Variants in OSBPL9 observed in about 807,000 individuals in gnomAD.
OSBPL9 encodes the protein oxysterol binding protein like 9, also known as oxysterol-binding protein-related protein 9.
In OSBPL9, 40 loss-of-function variants were observed where a neutral mutation model predicts 106.6. That is an observed-to-expected ratio of 0.38 (90% CI 0.29 to 0.49). The LOEUF is 0.49. OSBPL9 is among the 20% of genes least tolerant of loss of function. The pLI is 0.97. For missense variants in OSBPL9, 609 were observed against 887.2 expected (o/e 0.69, Z 3.98); for synonymous variants, 269 against 295.4 (o/e 0.91, Z 0.92).
chr1:51,567,641 G>A, the OSBPL9 span: 1 of 152,196 alleles, frequency 6.6e-6, no homozygotes, highest in African/African-American at 2.4e-5. Flanking sequence ...TTTTTAACCT[G>A]TAAAATGGAG....
At chr1:51,691,762 A>G (rs1655014947) in intron 3 of OSBPL9, among the ~76,000 whole-genome samples, 2 of 151,622 alleles carry the variant, frequency 1.3e-5, no homozygotes, top group South Asian at 2.1e-4. Flanking sequence ...TATGTTTTAA[A>G]GTTTGTTTTT....
At chr1:51,739,796 T>C (rs895525804) in intron 4 of OSBPL9, among the ~76,000 whole-genome samples, 2 of 151,980 alleles carry the variant, frequency 1.3e-5, no homozygotes, top group Admixed American at 6.6e-5. Context: ...TGTTTCCAAA[T>C]TTTCAGTAAT....
chr1:51,720,063 G>A lies in OSBPL9; in HGVS notation c.318+5984G>A, dbSNP rs138715242. On this transcript the variant is annotated intron_variant, in intron 4 of 23. Transcript: ENST00000428468. The stretch of plus-strand genomic sequence containing the variant: ...GTTGGCTTTGACTTCATATAGATAT[G>A]CCATTTACTTGGTCAGTGTCACTTC... Among the ~76,000 whole-genome samples the A allele has an allele frequency of 1.3e-4, 20 of 152,284 alleles. No homozygotes were observed. In the East Asian group the frequency reaches 3.9e-3, roughly 29 times the overall value.
intron 3 of OSBPL9, among the ~76,000 whole-genome samples, chr1:51,706,920 C>T (rs146096446): frequency 1.1e-4 from 16 of 152,168 alleles, no homozygotes; most frequent in African/African-American, 3.9e-4. Flanking sequence ...CTCCTTTTGG[C>T]TGCATACAGG....
intron 3 of OSBPL9, among the ~76,000 whole-genome samples, chr1:51,686,260 C>T (rs1653784490): frequency 1.3e-5 from 2 of 152,150 alleles, no homozygotes; most frequent in African/African-American, 4.8e-5. Context: ...TTTTTATTCT[C>T]ATTTTATAGA....
intron 12 of OSBPL9, among the ~76,000 whole-genome samples, chr1:51,769,934 G>A (rs1420826983): frequency 6.6e-6 from 1 of 152,104 alleles, no homozygotes; most frequent in African/African-American, 2.4e-5. Context: ...TCTATTTTGA[G>A]ATACATCACA....
chr1:51,761,742 A>G, intron 10 of OSBPL9, 125 bp from the exon 11 acceptor site: 1 of 705,682 alleles, frequency 1.4e-6, no homozygotes, highest in Non-Finnish European at 2.5e-6. Context: ...GCATGGAACT[A>G]GACTTAATGA....
At chr1:51,519,138 G>C in the OSBPL9 span, 1 of 1,234,276 alleles carries the variant, frequency 8.1e-7, no homozygotes, top group Non-Finnish European at 1.1e-6. Flanking sequence ...CGGCGAAGCT[G>C]AGGGCGGTGG....
intron 3 of OSBPL9, among the ~76,000 whole-genome samples, chr1:51,686,343 A>G (rs1653798886): frequency 6.6e-6 from 1 of 152,164 alleles, no homozygotes; most frequent in Admixed American, 6.5e-5. Context: ...CTGGATTCAA[A>G]CCTATGCTCT....
rs758746268 is a variant in OSBPL9 at position 51,786,515 on chromosome 1, T to TTAAA, written c.1909-10_1909-9insAAAT. 47 of 1,568,564 alleles carry TTAAA rather than the reference T, an allele frequency of 3.0e-5. No homozygotes were observed. The African/African-American group carries it at 4.3e-4, about 14-fold the overall frequency. ...TGGGTCTAGTTCCCATCCACCTCTA[T>TTAAA]TGTTTTCTAGGAAAATACAGTCTTT... On this transcript the variant is annotated splice_polypyrimidine_tract_variant and intron_variant, in intron 21 of 23. Coordinates refer to ENST00000428468, the MANE Select transcript of OSBPL9 (RefSeq NM_024586.6).
At chr1:51,615,104 A>G (rs1644019307), upstream of OSBPL9, among the ~76,000 whole-genome samples, 1 of 152,200 alleles carries the variant, frequency 6.6e-6, no homozygotes, top group Non-Finnish European at 1.5e-5. Context: ...TACTAAAAAT[A>G]CAAAAGTTAG....
At chr1:51,771,927 A>AG in intron 12 of OSBPL9, 143 bp from the exon 13 acceptor site, 1 of 583,012 alleles carries the variant, frequency 1.7e-6, no homozygotes, top group South Asian at 2.3e-5. Context: ...CTGTGCATAA[A>AG]GGATAAGACA....
intron 2 of OSBPL9, among the ~76,000 whole-genome samples, chr1:51,598,863 G>A (rs957444046): frequency 6.6e-5 from 10 of 152,068 alleles, no homozygotes; most frequent in African/African-American, 1.2e-4. Context: ...GCATGGTGGC[G>A]CACCCCTGTA....
chr1:51,745,562 T>C lies in OSBPL9; in HGVS notation c.345T>C (p.Ser115=). 1 of 1,609,572 alleles carries C rather than the reference T, an allele frequency of 6.2e-7. No individual in the cohort carries two copies. Among genetic ancestry groups the C allele is most frequent in the Non-Finnish European group, 8.5e-7 (1 of 1,178,534 alleles). The stretch of plus-strand genomic sequence containing the variant: ...GTTTGGATTCAGGATTTGTTCCTAG[T>C]GTCCAAGATTTTGATAAGAAACTTA... ...LQGLDSGFVP[S]VQDFDKKLTE... Residue 115 remains serine (S), a synonymous_variant, in exon 5 of 24, where the codon AGT becomes AGC. Coordinates refer to ENST00000428468, the MANE Select transcript of OSBPL9 (RefSeq NM_024586.6).
upstream of OSBPL9, among the ~76,000 whole-genome samples, chr1:51,574,388 C>T (rs12087329): frequency 6.6e-6 from 1 of 151,718 alleles, no homozygotes; most frequent in African/African-American, 2.4e-5. Context: ...AGGAGGCCAA[C>T]GTGGGCAGAT....
chr1:51,600,570 T>G (rs957690965), intron 2 of OSBPL9, among the ~76,000 whole-genome samples: 1 of 152,184 alleles, frequency 6.6e-6, no homozygotes, highest in African/African-American at 2.4e-5. Context: ...TTAAAACATG[T>G]TTTCTTAGGC....
intron 3 of OSBPL9, among the ~76,000 whole-genome samples, chr1:51,680,081 C>T (rs1329406501): frequency 6.6e-6 from 1 of 151,922 alleles, no homozygotes; most frequent in Non-Finnish European, 1.5e-5. Context: ...TGGCGAAACC[C>T]CCTCTCCACT....
chr1:51,747,065 G>A (rs1221562773), intron 6 of OSBPL9, among the ~76,000 whole-genome samples: 1 of 152,176 alleles, frequency 6.6e-6, no homozygotes, highest in Non-Finnish European at 1.5e-5. Flanking sequence ...CACCCTCTGG[G>A]TTAAAATGAT....
intron 2 of OSBPL9, among the ~76,000 whole-genome samples, chr1:51,658,698 A>G (rs1646962862): frequency 6.6e-6 from 1 of 151,804 alleles, no homozygotes; most frequent in African/African-American, 2.4e-5. Flanking sequence ...GAATATTAAT[A>G]TTTTCAGTAA....
Sources: gnomAD v4.1 joint callset for allele counts (sites outside exome capture counted in the v4.1 genomes callset) on GRCh38, gnomAD v4.1.1 for gene constraint, MANE v1.5 for transcripts, NCBI Gene and HGNC (gene_info 2026-07-23, HGNC 2026-07-21) for gene names.